The following MX1 variants were observed in gnomAD, a reference collection of about 807,000 sequenced individuals.
MX1 encodes interferon-induced GTP-binding protein Mx1.
MX1 carries 66 observed loss-of-function variants against 66.4 expected under a neutral mutation model. The observed-to-expected ratio is 0.99, with a 90% CI of 0.82 to 1.22. The LOEUF (loss-of-function observed/expected upper bound fraction) is 1.22. MX1 is among the 50% of genes most tolerant of loss of function. MX1 has a pLI of 0.00. For missense variants in MX1, 787 were observed against 834.3 expected (o/e 0.94, Z 0.70); for synonymous variants, 311 against 318.1 (o/e 0.98, Z 0.24).
At chr21:41,446,440 A>G (rs1464661086) in intron 13 of MX1, among the ~76,000 whole-genome samples, 1 of 152,222 alleles carries the variant, frequency 6.6e-6, no homozygotes, top group African/African-American at 2.4e-5. Flanking sequence ...GAATATTGCA[A>G]TAATGCAAGT....
intron 11 of MX1, 86 bp from the exon 12 acceptor site, chr21:41,445,362 T>A: frequency 1.3e-6 from 2 of 1,509,828 alleles, no homozygotes; most frequent in Non-Finnish European, 1.8e-6. Flanking sequence ...CCCACACAAC[T>A]CCTCTGCAGA....
rs369163752 is a variant in MX1, at chr21:41,443,851, C to T, written c.993C>T (p.Leu331=). Residue 331 remains leucine (L), a synonymous_variant, in exon 11 of 17, where the codon CTC becomes CTT. Transcript: ENST00000398598. ...TGGCAGAAAAACTTACCAGCGAGCT[C>T]ATCACACATATCTGTGTAAGCACGG... ...PCLAEKLTSE[L]ITHICKSLPL... 133 of 1,614,134 alleles carry T rather than the reference C, an allele frequency of 8.2e-5. No homozygotes were observed. The highest frequency in any genetic ancestry group is 1.1e-4 in the Non-Finnish European group (126 of 1,180,052).
At chr21:41,420,622 G>A (rs541574738) in exon 1 of MX1, 1 of 152,334 alleles carries the variant, frequency 6.6e-6, no homozygotes, top group African/African-American at 2.4e-5. Flanking sequence ...AGAGCGCAGG[G>A]AGAAGTAAGC....
chr21:41,435,948 A>G lies in MX1; in HGVS notation c.217A>G (p.Ile73Val). The change falls in exon 6 of 17, where the codon ATC becomes GTC. Residue 73 changes from isoleucine (I) to valine (V), a missense_variant. Physicochemically the swap from Ile to Val is conservative, Grantham distance 29. Coordinates refer to ENST00000398598, the MANE Select transcript of MX1 (RefSeq NM_002462.5). ...GGAGCAGGACCTGGCCCTGCCAGCCATCGCCGTCATCGGGGACCAGAGCTC... is the reference window on the plus strand; with the variant it reads ...GGAGCAGGACCTGGCCCTGCCAGCCGTCGCCGTCATCGGGGACCAGAGCTC... ...GVEQDLALPA[I>V]AVIGDQSSGK... The G allele has an allele frequency of 6.2e-7, 1 of 1,614,204 alleles. No homozygotes were observed. The highest frequency in any genetic ancestry group is 8.5e-7 in the Non-Finnish European group (1 of 1,180,026).
chr21:41,458,768 G>T lies in MX1; in HGVS notation c.*10G>T. 6.2e-7 allele frequency: 1 copy of T among 1,606,728 alleles called. No homozygotes were observed. ...CCAGTTCCCCGGTTAACCACACTCTGTCCAGCCCCGTAGACGTGCACGCAC... is the reference window on the plus strand; with the variant it reads ...CCAGTTCCCCGGTTAACCACACTCTTTCCAGCCCCGTAGACGTGCACGCAC... On this transcript the variant is annotated 3_prime_UTR_variant, in exon 17 of 17. Transcript: ENST00000398598.
At chr21:41,451,343 G>A (rs1165779076) in intron 15 of MX1, 100 bp downstream of exon 15, 1 of 827,662 alleles carries the variant, frequency 1.2e-6, no homozygotes, top group Non-Finnish European at 2.0e-6. Context: ...CAACTTTATT[G>A]TATACTTTTA....
upstream of MX1, among the ~76,000 whole-genome samples, chr21:41,425,265 T>C (rs1045886636): frequency 1.3e-5 from 2 of 152,124 alleles, no homozygotes; most frequent in Non-Finnish European, 2.9e-5. Context: ...GGGGCCGTTT[T>C]ATAGGATTTG....
At chr21:41,424,896 T>C (rs1380425366), upstream of MX1, among the ~76,000 whole-genome samples, 1 of 152,080 alleles carries the variant, frequency 6.6e-6, no homozygotes, top group Non-Finnish European at 1.5e-5. Context: ...AGGATACAGG[T>C]TTCAGACAAA....
At chr21:41,453,826 G>C (rs533254219) in intron 16 of MX1, among the ~76,000 whole-genome samples, 22 of 152,312 alleles carry the variant, frequency 1.4e-4, no homozygotes, top group South Asian at 1.0e-3. Context: ...GGTGGGTTCA[G>C]AGATTTTCTG....
chr21:41,433,523 T>TG (rs1176394720), intron 5 of MX1, among the ~76,000 whole-genome samples: 2 of 152,306 alleles, frequency 1.3e-5, no homozygotes, highest in Admixed American at 1.3e-4. Flanking sequence ...CTGCATCAAA[T>TG]GAACAACGTT....
At chr21:41,451,054 G>A (rs924976078) in intron 14 of MX1, 113 bp from the exon 15 acceptor site, 5 of 708,190 alleles carry the variant, frequency 7.1e-6, no homozygotes, top group Non-Finnish European at 1.2e-5. Flanking sequence ...GAAGAAGGGA[G>A]CGGGGAGAGG....
rs1449465796 is a variant in MX1, at chr21:41,432,052, T to G, written c.-19T>G. On this transcript the variant is annotated splice_region_variant and 5_prime_UTR_variant, in exon 5 of 17. Coordinates refer to ENST00000398598, the MANE Select transcript of MX1 (RefSeq NM_002462.5). ...ATAGGCATCTGCTTTATTTTAAGCT[T>G]ACTTTGCAAAGAAGGAAGATGGTTG... is the stretch of plus-strand genomic sequence containing the variant. 6.2e-7 allele frequency: 1 copy of G among 1,613,434 alleles called. No individual in the cohort carries two copies. The highest frequency in any genetic ancestry group is 1.7e-5 in the Admixed American group (1 of 60,016).
At chr21:41,430,089 C>G (rs953187375) in intron 3 of MX1, among the ~76,000 whole-genome samples, 3 of 152,078 alleles carry the variant, frequency 2.0e-5, no homozygotes, top group Non-Finnish European at 4.4e-5. Context: ...TCCCAACCTT[C>G]CTGACATGGG....
chr21:41,449,302 G>A lies in MX1; in HGVS notation c.1432+7G>A. 6.2e-6 allele frequency: 10 copies of A among 1,606,060 alleles called. No individual in the cohort carries two copies. Among genetic ancestry groups the A allele is most frequent in the Non-Finnish European group, 8.5e-6 (10 of 1,177,450 alleles). ...ATGCTACACACCGTGACGGGTGAGTGCTCAGTTTCACCTCTGAGCATTGAT... is the reference window on the plus strand; with the variant it reads ...ATGCTACACACCGTGACGGGTGAGTACTCAGTTTCACCTCTGAGCATTGAT... On this transcript the variant is annotated splice_region_variant and intron_variant, in intron 14 of 16. Coordinates refer to ENST00000398598, the MANE Select transcript of MX1 (RefSeq NM_002462.5).
chr21:41,455,650 C>T (rs1205474263), intron 16 of MX1, among the ~76,000 whole-genome samples: 4 of 152,216 alleles, frequency 2.6e-5, no homozygotes, highest in Admixed American at 2.0e-4. Flanking sequence ...GAGGAGTGGA[C>T]GTGCTGCTCT....
chr21:41,457,919 A>G (rs468811), intron 16 of MX1, among the ~76,000 whole-genome samples: 112,928 of 152,066 alleles, frequency 0.74, 43,344 homozygotes, highest in Middle Eastern at 0.85. Flanking sequence ...CAACTAACCT[A>G]AGTACCTCAT....
chr21:41,444,712 A>G lies in MX1; in HGVS notation c.1009-736A>G, dbSNP rs114946813. On this transcript the variant is annotated intron_variant, in intron 11 of 16. Coordinates refer to ENST00000398598, the MANE Select transcript of MX1 (RefSeq NM_002462.5). ...CTTCCTTATTAGATTCCCCACCTCG[A>G]GCAAGCCCATGGGGATTGATTTTTT... is the stretch of plus-strand genomic sequence containing the variant. Among the ~76,000 whole-genome samples the G allele has an allele frequency of 4.4e-3, 673 of 152,202 alleles. 5 individuals carry two copies. The highest frequency in any genetic ancestry group is 0.015 in the African/African-American group (637 of 41,532).
Position 41,449,364 on chromosome 21 carries a change from C to T in MX1, c.1432+69C>T, listed in dbSNP as rs1231081220. On this transcript the variant is annotated intron_variant, in intron 14 of 16. Coordinates refer to ENST00000398598, the MANE Select transcript of MX1 (RefSeq NM_002462.5). Reference sequence around the variant, plus strand: ...GGAAAGGTTCGAACCAAAGCCAGCACCAAACTTCAGCACTTTCCTCCTGGG... The same window carrying T: ...GGAAAGGTTCGAACCAAAGCCAGCATCAAACTTCAGCACTTTCCTCCTGGG... The T allele has an allele frequency of 6.6e-6, 10 of 1,520,484 alleles. No individual in the cohort carries two copies. In the East Asian group the frequency reaches 1.4e-4, roughly 21 times the overall value. The allele number at this position is 1,520,484 out of a possible 1,614,324, so 94.2% of individuals were successfully genotyped here.
upstream of MX1, among the ~76,000 whole-genome samples, chr21:41,422,379 C>G (rs1039015367): frequency 6.6e-6 from 1 of 152,180 alleles, no homozygotes; most frequent in African/African-American, 2.4e-5. Context: ...TCAAGAATAA[C>G]CACAAAAATG....
Sources: allele counts gnomAD v4.1 joint callset (sites outside exome capture counted in the v4.1 genomes callset), GRCh38; gene constraint gnomAD v4.1.1; transcripts MANE v1.5; gene names NCBI Gene and HGNC (gene_info 2026-07-23, HGNC 2026-07-21).